AGAP1: variants seen among roughly 807,000 people sequenced by gnomAD.
AGAP1 encodes ArfGAP with GTPase domain, ankyrin repeat and PH domain 1.
AGAP1 carries 29 observed loss-of-function variants against 105.3 expected under a neutral mutation model. That is an observed-to-expected ratio of 0.28 (90% confidence interval 0.21 to 0.38). The LOEUF (loss-of-function observed/expected upper bound fraction) is 0.38. AGAP1 is among the 10% of genes least tolerant of loss of function. AGAP1 has a pLI of 1.00. For missense variants in AGAP1, 998 were observed against 1,165.1 expected (o/e 0.86, Z 2.09); for synonymous variants, 509 against 485.9 (o/e 1.05, Z -0.63).
intron 6 of AGAP1, among the ~76,000 whole-genome samples, chr2:235,766,581 GTT>G (rs1954973534): frequency 6.6e-6 from 1 of 152,088 alleles, no homozygotes; most frequent in Non-Finnish European, 1.5e-5. Flanking sequence ...AAGTAAAAAA[GTT>G]TCATTCATTG....
In AGAP1 at chr2:236,009,761, G is replaced by A. The variant is rs1011701582; in HGVS notation, c.1646-26800G>A. Reference sequence around the variant, plus strand: ...GTGCCTCATTTAGCCGTCCCTGCTCGGTTCACGCCAAGGATGTAATTCATG... The same window carrying A: ...GTGCCTCATTTAGCCGTCCCTGCTCAGTTCACGCCAAGGATGTAATTCATG... On this transcript the variant is annotated intron_variant, in intron 13 of 17. Transcript: ENST00000304032. This position sits in a 1 kb window ranked among gnomAD's most constrained non-coding sequence, Gnocchi z 4.2. Among the ~76,000 whole-genome samples, 5 of 152,118 alleles carry A rather than the reference G, an allele frequency of 3.3e-5. No homozygotes were observed. The highest frequency in any genetic ancestry group is 6.5e-5 in the Admixed American group (1 of 15,272).
Position 235,908,703 on chromosome 2 carries a change from T to G in AGAP1, c.1156-35T>G. The G allele has an allele frequency of 6.5e-7, 1 of 1,542,722 alleles. No homozygotes were observed. The highest frequency in any genetic ancestry group is 1.2e-5 in the South Asian group (1 of 80,190). On this transcript the variant is annotated intron_variant, in intron 10 of 17. Transcript: ENST00000304032. The surrounding 1 kb of genome is among the most constrained non-coding windows in gnomAD (Gnocchi z 4.4). ...AGGTTGTAAAAGGTCTTTTTTTTTT[T>G]TTTATCTCTCTTGGATGTTTAACAT...
chr2:235,623,664 A>G lies in AGAP1; in HGVS notation c.164-85515A>G, dbSNP rs13411636. Among the ~76,000 whole-genome samples, 25,653 of 152,052 alleles carry G rather than the reference A, an allele frequency of 0.17. 2,383 individuals are homozygous for G. The highest frequency in any genetic ancestry group is 0.2 in the Non-Finnish European group (13,713 of 67,988). On this transcript the variant is annotated intron_variant, in intron 1 of 17. Transcript: ENST00000304032. The surrounding 1 kb of genome is among the most constrained non-coding windows in gnomAD (Gnocchi z 4.5). ...TGCAGGTCTGTGATGCAGTTGCCATATATTTTTTGACTTTTGGATCTTCAC... is the reference window on the plus strand; with the variant it reads ...TGCAGGTCTGTGATGCAGTTGCCATGTATTTTTTGACTTTTGGATCTTCAC...
At chr2:235,650,368 T>C (rs1012157644) in intron 1 of AGAP1, among the ~76,000 whole-genome samples, 1 of 152,016 alleles carries the variant, frequency 6.6e-6, no homozygotes, top group Non-Finnish European at 1.5e-5. Context: ...GAGTTGGGTT[T>C]GTTCATTCAT....
intron 1 of AGAP1, among the ~76,000 whole-genome samples, chr2:235,650,399 C>A (rs1271076943): frequency 6.6e-6 from 1 of 152,198 alleles, no homozygotes; most frequent in African/African-American, 2.4e-5. Flanking sequence ...ATCTATCCAT[C>A]TGTCCTTACG....
rs1458095139 is a variant in AGAP1, at chr2:235,577,675, G to A, written c.163+82826G>A. On this transcript the variant is annotated intron_variant, in intron 1 of 17. Transcript: ENST00000304032. The surrounding 1 kb of genome is among the most constrained non-coding windows in gnomAD (Gnocchi z 4.5). ...ACTCTGAGCATTCGGAACATTCGCC[G>A]AGTGGAACGTGTGTGTCGTCATCCC... Among the ~76,000 whole-genome samples, 6 of 152,102 alleles carry A rather than the reference G, an allele frequency of 3.9e-5. No homozygotes were observed. Among genetic ancestry groups the A allele is most frequent in the Non-Finnish European group, 5.9e-5 (4 of 68,036 alleles).
intron 16 of AGAP1, among the ~76,000 whole-genome samples, chr2:236,059,789 T>TA (rs779670387): frequency 2.0e-5 from 3 of 152,134 alleles, no homozygotes; most frequent in Non-Finnish European, 4.4e-5. Flanking sequence ...AGAATGAAGT[T>TA]AGACTCTTAT....
intron 1 of AGAP1, among the ~76,000 whole-genome samples, chr2:235,567,903 CAGG>C (rs1286949050): frequency 6.6e-6 from 1 of 152,094 alleles, no homozygotes; most frequent in East Asian, 1.9e-4. Flanking sequence ...GGCTTGAAAA[CAGG>C]AGGGCTGTGC....
intron 1 of AGAP1, among the ~76,000 whole-genome samples, chr2:235,498,622 G>T (rs545915900): frequency 3.3e-5 from 5 of 152,262 alleles, no homozygotes; most frequent in African/African-American, 1.2e-4. Context: ...TTCTTTCAAG[G>T]ATAAAGCCTC....
rs775794162 is a variant in AGAP1, at chr2:236,109,226, A to G, written c.2115-10966A>G. Among the ~76,000 whole-genome samples, 4 of 152,134 alleles carry G rather than the reference A, an allele frequency of 2.6e-5. No individual in the cohort carries two copies. Among genetic ancestry groups the G allele is most frequent in the Non-Finnish European group, 5.9e-5 (4 of 68,028 alleles). ...TTGCCAGTGCATAGATGACAGTGCC[A>G]CCAGCAGTGACCAAGCTCACCTCTG... On this transcript the variant is annotated intron_variant, in intron 16 of 17. Coordinates refer to ENST00000304032, the MANE Select transcript of AGAP1 (RefSeq NM_001037131.3). This position sits in a 1 kb window ranked among gnomAD's most constrained non-coding sequence, Gnocchi z 5.4.
intron 13 of AGAP1, among the ~76,000 whole-genome samples, chr2:235,980,347 T>A (rs1435943819): frequency 6.6e-6 from 1 of 152,154 alleles, no homozygotes; most frequent in Non-Finnish European, 1.5e-5. Flanking sequence ...ATTGATTACC[T>A]TTCTTTGGGT....
chr2:235,508,447 A>G (rs1396258903), intron 1 of AGAP1, among the ~76,000 whole-genome samples: 2 of 152,190 alleles, frequency 1.3e-5, no homozygotes, highest in African/African-American at 4.8e-5. Context: ...TTGTGATTTG[A>G]AACTCACATT....
chr2:235,690,225 TAC>T lies in AGAP1; in HGVS notation c.164-18950_164-18949del, dbSNP rs1398186631. Among the ~76,000 whole-genome samples, 2 of 152,000 alleles carry T rather than the reference TAC, an allele frequency of 1.3e-5. No homozygotes were observed. The highest frequency in any genetic ancestry group is 2.9e-5 in the Non-Finnish European group (2 of 68,014). ...ACTTTTACCACTCAGAGAACTTTAG[TAC>T]ACAGTCTTAAACAACCCTGGAATGT... On this transcript the variant is annotated intron_variant, in intron 1 of 17. Transcript: ENST00000304032. This position sits in a 1 kb window ranked among gnomAD's most constrained non-coding sequence, Gnocchi z 4.1.
Position 235,728,597 on chromosome 2 carries a change from G to C in AGAP1, c.310+10953G>C, listed in dbSNP as rs139036528. Among the ~76,000 whole-genome samples the C allele has an allele frequency of 2.0e-5, 3 of 152,098 alleles. No homozygotes were observed. Among genetic ancestry groups the C allele is most frequent in the Non-Finnish European group, 2.9e-5 (2 of 68,032 alleles). The stretch of plus-strand genomic sequence containing the variant: ...AGCTGCTGGTGCCTGCCCTGGGTCC[G>C]AAAGCTGGTGGTGGTCTGTTCTTGT... On this transcript the variant is annotated intron_variant, in intron 3 of 17. Transcript: ENST00000304032. This position sits in a 1 kb window ranked among gnomAD's most constrained non-coding sequence, Gnocchi z 4.3.
intron 6 of AGAP1, among the ~76,000 whole-genome samples, chr2:235,791,161 A>T (rs747914326): frequency 6.6e-6 from 1 of 152,268 alleles, no homozygotes; most frequent in East Asian, 1.9e-4. Flanking sequence ...TGAGATTTTC[A>T]TGGTGAGAAA....
At chr2:235,913,000 A>G (rs1023579992) in intron 11 of AGAP1, among the ~76,000 whole-genome samples, 1 of 151,498 alleles carries the variant, frequency 6.6e-6, no homozygotes, top group Non-Finnish European at 1.5e-5. Flanking sequence ...ATATCTGAGA[A>G]CTCCTTGTAT....
chr2:235,860,966 T>A (rs1436840476), intron 9 of AGAP1, among the ~76,000 whole-genome samples: 1 of 152,184 alleles, frequency 6.6e-6, no homozygotes, highest in Non-Finnish European at 1.5e-5. Context: ...GTTCTCCCAC[T>A]GCAGACACCC....
Position 235,662,326 on chromosome 2 carries a change from A to C in AGAP1, c.164-46853A>C, listed in dbSNP as rs1947984940. The stretch of plus-strand genomic sequence containing the variant: ...GCCTCTGATCCCTCAGTCAGTGTGC[A>C]GAGCTGAGCTGATGAGGAAAGTCTT... On this transcript the variant is annotated intron_variant, in intron 1 of 17. Transcript: ENST00000304032. This position sits in a 1 kb window ranked among gnomAD's most constrained non-coding sequence, Gnocchi z 4.2. Among the ~76,000 whole-genome samples, 1 of 152,202 alleles carries C rather than the reference A, an allele frequency of 6.6e-6. No individual in the cohort carries two copies. Among genetic ancestry groups the C allele is most frequent in the Non-Finnish European group, 1.5e-5 (1 of 68,042 alleles).
In AGAP1 at chr2:236,045,097, G is replaced by T. The variant is rs117988550; in HGVS notation, c.1892-3962G>T. On this transcript the variant is annotated intron_variant, in intron 15 of 17. Transcript: ENST00000304032. The surrounding 1 kb of genome is among the most constrained non-coding windows in gnomAD (Gnocchi z 6.9). ...GCCGACCTGATTTTTTAAATTTTTTGTAGAGAGGTAGTCTCACTATGCTGC... is the reference window on the plus strand; with the variant it reads ...GCCGACCTGATTTTTTAAATTTTTTTTAGAGAGGTAGTCTCACTATGCTGC... 3.7e-4 allele frequency among the ~76,000 whole-genome samples: 57 copies of T among 152,272 alleles called. No individual in the cohort carries two copies. In the East Asian group the frequency reaches 0.011, roughly 29 times the overall value.
Sources: gnomAD v4.1 joint callset for allele counts (sites outside exome capture counted in the v4.1 genomes callset) on GRCh38, gnomAD v4.1.1 for gene constraint, Gnocchi (gnomAD v3.1) non-coding constraint, MANE v1.5 for transcripts, NCBI Gene and HGNC (gene_info 2026-07-23, HGNC 2026-07-21) for gene names.